Variants in PKIA observed in about 807,000 individuals in gnomAD.
PKIA encodes cAMP-dependent protein kinase inhibitor alpha, also known as PKI-alpha.
In PKIA, 4 loss-of-function variants were observed where a neutral mutation model predicts 7.6. The ratio of observed to expected loss-of-function variants is 0.52; its 90% confidence interval spans 0.26 to 1.20. PKIA has a LOEUF of 1.20. Among genes scored for constraint, PKIA ranks in the 50% most tolerant of loss-of-function variants. The pLI, the probability that PKIA is intolerant of heterozygous loss-of-function variation, is 0.13. For synonymous variants in PKIA, 21 were observed against 30.7 expected, an observed-to-expected ratio of 0.68 and a Z score of 1.04; for missense variants, 73 against 86.2, an observed-to-expected ratio of 0.85 and a Z score of 0.61.
At chr8:78,537,655 T>C (rs1053380484) in intron 1 of PKIA, among the ~76,000 whole-genome samples, 3 of 150,984 alleles carry the variant, frequency 2.0e-5, no homozygotes, top group African/African-American at 7.3e-5. Flanking sequence ...TTTTATTATT[T>C]TTTCATTGCA....
At chr8:78,579,311 T>A (rs1807752245) in intron 2 of PKIA, among the ~76,000 whole-genome samples, 1 of 152,090 alleles carries the variant, frequency 6.6e-6, no homozygotes, top group East Asian at 1.9e-4. Context: ...CCAGGTAACA[T>A]TCCTGTCCAA....
At chr8:78,582,104 G>C (rs1002300650) in intron 2 of PKIA, among the ~76,000 whole-genome samples, 1 of 151,526 alleles carries the variant, frequency 6.6e-6, no homozygotes, top group Non-Finnish European at 1.5e-5. Context: ...GTTTACAATG[G>C]TAGTGGGCTT....
At chr8:78,559,181 C>G (rs930487724) in intron 1 of PKIA, among the ~76,000 whole-genome samples, 1 of 152,158 alleles carries the variant, frequency 6.6e-6, no homozygotes, top group Non-Finnish European at 1.5e-5. Flanking sequence ...CTCGGCCTCC[C>G]AAAGTGCTAG....
At chr8:78,556,890 C>T (rs780257610) in intron 1 of PKIA, among the ~76,000 whole-genome samples, 8 of 152,038 alleles carry the variant, frequency 5.3e-5, no homozygotes, top group Non-Finnish European at 7.4e-5. Context: ...CTGGCAGGAA[C>T]GATAGATTTG....
chr8:78,576,137 G>A (rs1807669588), intron 2 of PKIA, among the ~76,000 whole-genome samples: 1 of 152,102 alleles, frequency 6.6e-6, no homozygotes, highest in East Asian at 1.9e-4. Context: ...ATCTCCAAAT[G>A]CAGTCACACT....
chr8:78,536,873 C>T (rs1470762754), intron 1 of PKIA, among the ~76,000 whole-genome samples: 1 of 111,132 alleles, frequency 9.0e-6, no homozygotes, highest in African/African-American at 3.8e-5. Flanking sequence ...CACACACACA[C>T]ACACACACAC....
chr8:78,554,862 A>G (rs1386385655), intron 1 of PKIA, among the ~76,000 whole-genome samples: 2 of 152,124 alleles, frequency 1.3e-5, no homozygotes, highest in Non-Finnish European at 2.9e-5. Flanking sequence ...ATAACTTTAC[A>G]GTATTTTGTG....
chr8:78,604,891 C>T lies in PKIA; in HGVS notation c.*3070C>T, dbSNP rs1808438138. 6.6e-6 allele frequency: 1 copy of T among 151,884 alleles called. No homozygotes were observed. Among genetic ancestry groups the T allele is most frequent in the Non-Finnish European group, 1.5e-5 (1 of 67,932 alleles). 9.4% of individuals were successfully genotyped at this position (151,884 alleles called of 1,614,324 possible). A position where few individuals can be genotyped will look rare whatever the true frequency, so the allele number is the denominator to read the frequency against. ...TGAAATCCAATTCTTAGATAATACT[C>T]CCAGAACAGCCAATGGTAAATGCCC... On this transcript the variant is annotated 3_prime_UTR_variant, in exon 4 of 4. Transcript: ENST00000396418.
intron 1 of PKIA, among the ~76,000 whole-genome samples, chr8:78,553,554 C>T (rs546594667): frequency 3.7e-4 from 56 of 152,042 alleles, no homozygotes; most frequent in African/African-American, 1.3e-3. Flanking sequence ...GGCCTATTTA[C>T]CAACACTGTT....
chr8:78,595,890 A>G (rs1808215729), intron 2 of PKIA, among the ~76,000 whole-genome samples: 1 of 152,218 alleles, frequency 6.6e-6, no homozygotes. Flanking sequence ...GTGTATACCC[A>G]GTAATGTGAT....
chr8:78,535,653 A>G lies in PKIA; in HGVS notation c.-157+19185A>G, dbSNP rs546909964. The stretch of plus-strand genomic sequence containing the variant: ...GCTGTGACTATAATCACTGCTGCTC[A>G]GGAACCTATCGAAAGTACATTCAGC... On this transcript the variant is annotated intron_variant, in intron 1 of 3. Transcript: ENST00000396418. The G allele has an allele frequency of 8.5e-5, 13 of 152,268 alleles. No individual in the cohort carries two copies. In the East Asian group the frequency reaches 2.3e-3, roughly 27 times the overall value. The allele number at this position is 152,268 out of a possible 1,614,324, so 9.4% of individuals were successfully genotyped here. A position where few individuals can be genotyped will look rare whatever the true frequency, so the allele number is the denominator to read the frequency against.
In PKIA at chr8:78,560,192, AC is replaced by A. The variant is rs1807251985; in HGVS notation, c.-156-12618del. Among the ~76,000 whole-genome samples the A allele has an allele frequency of 3.3e-5, 5 of 152,338 alleles. No homozygotes were observed. The South Asian group carries it at 1.0e-3, about 32-fold the overall frequency. ...TAGAGCAGAATCTGGGAATTTGCAG[AC>A]AAAACAGTGCTTCCTTCTGGCAGTT... On this transcript the variant is annotated intron_variant, in intron 1 of 3. Transcript: ENST00000396418.
At chr8:78,537,839 A>G (rs1438649648) in intron 1 of PKIA, among the ~76,000 whole-genome samples, 1 of 152,064 alleles carries the variant, frequency 6.6e-6, no homozygotes, top group Non-Finnish European at 1.5e-5. Context: ...TGCTGCAGAC[A>G]TACTTATCTA....
At chr8:78,542,555 ATT>A (rs1215018866) in intron 1 of PKIA, among the ~76,000 whole-genome samples, 1 of 152,152 alleles carries the variant, frequency 6.6e-6, no homozygotes, top group Non-Finnish European at 1.5e-5. Flanking sequence ...AAATTAATAT[ATT>A]GTTAATACTA....
chr8:78,588,131 AG>A (rs1290695066), intron 2 of PKIA, among the ~76,000 whole-genome samples: 2 of 152,324 alleles, frequency 1.3e-5, no homozygotes, highest in Non-Finnish European at 2.9e-5. Context: ...ACAATAACAA[AG>A]TTATTTATTC....
intron 1 of PKIA, among the ~76,000 whole-genome samples, chr8:78,546,308 A>G (rs1016658426): frequency 1.3e-5 from 2 of 151,104 alleles, no homozygotes; most frequent in African/African-American, 2.5e-5. Context: ...CAGCCTAGAT[A>G]TAGGACCATA....
intron 1 of PKIA, among the ~76,000 whole-genome samples, chr8:78,572,270 C>G (rs1807567248): frequency 6.6e-6 from 1 of 151,886 alleles, no homozygotes. Context: ...CACACACACA[C>G]AAACATTTTG....
intron 1 of PKIA, among the ~76,000 whole-genome samples, chr8:78,518,285 G>A (rs924768394): frequency 2.6e-5 from 4 of 152,162 alleles, no homozygotes; most frequent in African/African-American, 9.6e-5. Flanking sequence ...TTTTGTTGTT[G>A]TTATTATGTG....
intron 2 of PKIA, among the ~76,000 whole-genome samples, chr8:78,577,122 A>T (rs566484669): frequency 4.6e-5 from 7 of 152,008 alleles, no homozygotes; most frequent in Non-Finnish European, 8.8e-5. Context: ...TTTTTTAATT[A>T]TACTTTAAGT....
Sources: allele counts gnomAD v4.1 joint callset (sites outside exome capture counted in the v4.1 genomes callset), GRCh38; gene constraint gnomAD v4.1.1; transcripts MANE v1.5; gene names NCBI Gene and HGNC (gene_info 2026-07-23, HGNC 2026-07-21).